Variants in EDA observed in about 807,000 individuals in gnomAD.
EDA encodes ectodysplasin-A.
Under a neutral mutation model 23.6 loss-of-function variants are expected in EDA, and 2 were observed. The ratio of observed to expected loss-of-function variants is 0.08; its 90% confidence interval spans 0.03 to 0.27. The LOEUF (loss-of-function observed/expected upper bound fraction) is 0.27, where lower values mean the gene tolerates loss of function less well. EDA is among the 10% of genes least tolerant of loss of function. The pLI is 1.00. For missense variants in EDA, 229 were observed against 324.2 expected (o/e 0.71, Z 2.26); for synonymous variants, 131 against 132.0 (o/e 0.99, Z 0.05).
intron 1 of EDA, among the ~76,000 whole-genome samples, chrX:69,695,178 A>G (rs1470441782): frequency 9.1e-6 from 1 of 110,251 alleles, no homozygotes; most frequent in Admixed American, 9.7e-5. Flanking sequence ...AAATTAGCCA[A>G]GTGTGGTGGT....
intron 1 of EDA, among the ~76,000 whole-genome samples, chrX:69,863,529 G>GTA (rs1569358948): frequency 1.6e-4 from 5 of 31,490 alleles, no homozygotes; most frequent in Non-Finnish European, 5.3e-4. Context: ...ATATATGTGT[G>GTA]TGTATATATA....
intron 1 of EDA, among the ~76,000 whole-genome samples, chrX:69,838,483 C>T (rs986342408): frequency 2.7e-5 from 3 of 111,073 alleles, no homozygotes; most frequent in Non-Finnish European, 3.8e-5. Context: ...AAAAATTAGC[C>T]GGGCGTGGTG....
rs1241419294 is a variant in EDA, at chrX:69,907,356, C to T, written c.397-49671C>T. 4.5e-5 allele frequency among the ~76,000 whole-genome samples: 5 copies of T among 111,379 alleles called. No homozygotes were observed. In the Admixed American group the frequency reaches 4.8e-4, roughly 11 times the overall value. ...ATGACATATGCCTAGTAATAGTGCT[C>T]ACTACAGAAGGTACAATAACACACA... On this transcript the variant is annotated intron_variant, in intron 1 of 7. Coordinates refer to ENST00000374552, the MANE Select transcript of EDA (RefSeq NM_001399.5).
intron 1 of EDA, among the ~76,000 whole-genome samples, chrX:69,940,593 T>TAA (rs2018744075): frequency 9.0e-6 from 1 of 111,104 alleles, no homozygotes; most frequent in Non-Finnish European, 1.9e-5. Flanking sequence ...ATCATTATTA[T>TAA]TTCTTTTCTT....
chrX:69,842,855 C>T (rs376094727), intron 1 of EDA, among the ~76,000 whole-genome samples: 62 of 111,512 alleles, frequency 5.6e-4, no homozygotes, highest in Non-Finnish European at 3.6e-4. Flanking sequence ...GCTCTGGCCA[C>T]GTGAAACATC....
intron 1 of EDA, among the ~76,000 whole-genome samples, chrX:69,732,944 GTTGT>G (rs1168983356): frequency 1.8e-5 from 2 of 110,386 alleles, no homozygotes; most frequent in East Asian, 5.7e-4. Flanking sequence ...TTTTGATGGG[GTTGT>G]TTGATTTTTT....
chrX:69,882,608 TAGGC>T (rs747407303), intron 1 of EDA, among the ~76,000 whole-genome samples: 3 of 112,115 alleles, frequency 2.7e-5, no homozygotes, highest in African/African-American at 9.7e-5. Context: ...CCCTGTCTAT[TAGGC>T]AGAAACATCA....
chrX:70,029,243 G>A (rs1399685944), intron 4 of EDA, among the ~76,000 whole-genome samples: 1 of 112,567 alleles, frequency 8.9e-6, no homozygotes, highest in African/African-American at 3.2e-5. Flanking sequence ...TGGGTGCCCG[G>A]TGGGGCTTGC....
rs185730078 is a variant in EDA at position 69,694,096 on chromosome X, T to C, written c.396+77392T>C. 1.5e-4 allele frequency among the ~76,000 whole-genome samples: 17 copies of C among 112,335 alleles called. 1 individual carries two copies. The highest frequency in any genetic ancestry group is 6.6e-4 in the Admixed American group (7 of 10,593). ...TAATATTTTTTCATAATTGGCATAATTTTTTATACTCCATGATGAGTTATG... is the reference window on the plus strand; with the variant it reads ...TAATATTTTTTCATAATTGGCATAACTTTTTATACTCCATGATGAGTTATG... On this transcript the variant is annotated intron_variant, in intron 1 of 7. Transcript: ENST00000374552.
At chrX:69,677,328 C>A (rs1448656109) in intron 1 of EDA, among the ~76,000 whole-genome samples, 10 of 110,131 alleles carry the variant, frequency 9.1e-5, no homozygotes, top group Non-Finnish European at 1.3e-4. Context: ...ATTTATAGTC[C>A]TTTGGGTATA....
At chrX:69,771,844 T>G (rs1426801521) in intron 1 of EDA, among the ~76,000 whole-genome samples, 1 of 112,782 alleles carries the variant, frequency 8.9e-6, no homozygotes, top group East Asian at 2.8e-4. Flanking sequence ...TTAGCTGTGA[T>G]GTTAGCTGTA....
intron 1 of EDA, among the ~76,000 whole-genome samples, chrX:69,752,420 A>T (rs937156432): frequency 2.7e-5 from 3 of 111,658 alleles, no homozygotes; most frequent in East Asian, 5.6e-4. Context: ...CATCCCAGGG[A>T]TGAAGCCAGC....
chrX:69,674,554 G>A (rs765643837), intron 1 of EDA, among the ~76,000 whole-genome samples: 2 of 111,786 alleles, frequency 1.8e-5, no homozygotes, highest in African/African-American at 6.5e-5. Flanking sequence ...TAATGTATTT[G>A]CTTGATATTA....
chrX:69,948,515 C>G (rs1174336587), intron 1 of EDA, among the ~76,000 whole-genome samples: 1 of 111,873 alleles, frequency 8.9e-6, no homozygotes, highest in Non-Finnish European at 1.9e-5. Context: ...ACCACCACCC[C>G]CACCCCACTG....
At chrX:69,877,847 G>A (rs775717507) in intron 1 of EDA, among the ~76,000 whole-genome samples, 10 of 112,454 alleles carry the variant, frequency 8.9e-5, no homozygotes, top group Non-Finnish European at 1.9e-4. Context: ...TGTATATGGT[G>A]CAAAGCATGA....
At chrX:69,759,399 T>A (rs1569321554) in intron 1 of EDA, among the ~76,000 whole-genome samples, 1 of 111,680 alleles carries the variant, frequency 9.0e-6, no homozygotes, top group Non-Finnish European at 1.9e-5. Context: ...GGCTGACAGC[T>A]CTCCTGAAAG....
intron 1 of EDA, among the ~76,000 whole-genome samples, chrX:69,649,330 C>CTATT (rs1398261862): frequency 8.9e-6 from 1 of 111,890 alleles, no homozygotes; most frequent in Non-Finnish European, 1.9e-5. Flanking sequence ...ATAGGTTGGT[C>CTATT]TATTTAGTCC....
intron 1 of EDA, among the ~76,000 whole-genome samples, chrX:69,755,300 G>A (rs962362395): frequency 1.8e-5 from 2 of 111,987 alleles, no homozygotes; most frequent in African/African-American, 6.5e-5. Flanking sequence ...CTCATCTGCA[G>A]GTCTGTTGGA....
At chrX:69,804,200 T>G (rs187808085) in intron 1 of EDA, among the ~76,000 whole-genome samples, 40 of 111,313 alleles carry the variant, frequency 3.6e-4, no homozygotes, top group African/African-American at 1.2e-3. Context: ...CTAGATCATA[T>G]GGTAGTTCTA....
Sources: gnomAD v4.1 joint callset for allele counts (sites outside exome capture counted in the v4.1 genomes callset) on GRCh38, gnomAD v4.1.1 for gene constraint, MANE v1.5 for transcripts, NCBI Gene and HGNC (gene_info 2026-07-23, HGNC 2026-07-21) for gene names.